The following DMD variants were observed in gnomAD, a reference collection of about 807,000 sequenced individuals.
The protein encoded by DMD is mutant dystrophin.
A neutral mutation model predicts 330.1 loss-of-function variants in DMD; 63 were observed. The ratio of observed to expected loss-of-function variants is 0.19; its 90% CI spans 0.16 to 0.24. DMD has a LOEUF of 0.24. Among genes scored for constraint, DMD ranks in the 10% least tolerant of loss-of-function variants. The pLI is 1.00. For missense variants in DMD, 3,344 were observed against 2,684.1 expected (o/e 1.25, Z -5.43); for synonymous variants, 1,223 against 959.8 (o/e 1.27, Z -5.07).
intron 1 of DMD, among the ~76,000 whole-genome samples, chrX:33,242,185 T>C (rs924322889): frequency 4.5e-5 from 5 of 111,803 alleles, no homozygotes; most frequent in African/African-American, 1.6e-4. Context: ...TAGTGGTGAT[T>C]TGTGAGATTT....
intron 60 of DMD, among the ~76,000 whole-genome samples, chrX:31,440,084 AG>A (rs1383375066): frequency 9.0e-6 from 1 of 111,627 alleles, no homozygotes; most frequent in Non-Finnish European, 1.9e-5. Flanking sequence ...TCAAAAAAGA[AG>A]ATACATGTAA....
chrX:32,807,132 A>AAAC (rs2077006634), intron 7 of DMD, among the ~76,000 whole-genome samples: 2 of 103,511 alleles, frequency 1.9e-5, no homozygotes, highest in African/African-American at 7.1e-5. Context: ...TAAAAAAAAA[A>AAAC]AAAAAAAAAA....
chrX:32,807,121 T>TA (rs1351302403), intron 7 of DMD, among the ~76,000 whole-genome samples: 12 of 42,346 alleles, frequency 2.8e-4, no homozygotes, highest in South Asian at 9.5e-4. Flanking sequence ...ACGGAAACAT[T>TA]TAAAAAAAAA....
rs775892814 is a variant in DMD at position 32,441,295 on chromosome X, T to A, written c.3806A>T (p.His1269Leu). ...KTLEEVWACW[H>L]ELLSYLEKAN... ...TTTCTCCAAGTATGACAATAACTCA[T>A]GCCAACATGCCCAAACTTCCTAAGA... Residue 1269 changes from histidine (H) to leucine (L), a missense_variant, in exon 28 of 79, where the codon CAT becomes CTT. Physicochemically the swap from His to Leu is moderately conservative, Grantham distance 99. Coordinates refer to ENST00000357033, the MANE Select transcript of DMD (RefSeq NM_004006.3). 3 of 1,205,686 alleles carry A rather than the reference T, an allele frequency of 2.5e-6. No individual in the cohort carries two copies. In the African/African-American group the frequency reaches 5.3e-5, roughly 21 times the overall value.
chrX:33,323,779 G>T (rs2054048848), intron 1 of DMD, among the ~76,000 whole-genome samples: 2 of 111,678 alleles, frequency 1.8e-5, no homozygotes, highest in Middle Eastern at 4.2e-3. Flanking sequence ...GTCTCAGTCT[G>T]TTATAGTACT....
chrX:31,546,900 G>A (rs932489832), intron 55 of DMD, among the ~76,000 whole-genome samples: 6 of 112,297 alleles, frequency 5.3e-5, no homozygotes, highest in Middle Eastern at 4.2e-3. Context: ...AATGAATGAA[G>A]GAATGAAGAA....
At chrX:33,242,616 G>T (rs2052604046) in intron 1 of DMD, among the ~76,000 whole-genome samples, 1 of 111,579 alleles carries the variant, frequency 9.0e-6, no homozygotes, top group South Asian at 3.8e-4. Context: ...ATCTGGTAGT[G>T]GGATTGCTGA....
chrX:31,756,822 T>C (rs2089140844), intron 51 of DMD, among the ~76,000 whole-genome samples: 1 of 112,225 alleles, frequency 8.9e-6, no homozygotes, highest in Non-Finnish European at 1.9e-5. Context: ...ATAATGATGG[T>C]TGGGCAACAA....
At chrX:31,413,700 A>G (rs1210172224) in intron 60 of DMD, among the ~76,000 whole-genome samples, 1 of 111,922 alleles carries the variant, frequency 8.9e-6, no homozygotes, top group Non-Finnish European at 1.9e-5. Context: ...CTCCTTGGGC[A>G]TGGTTATTGA....
intron 9 of DMD, among the ~76,000 whole-genome samples, chrX:32,653,825 G>C (rs1425243747): frequency 9.0e-6 from 1 of 111,702 alleles, no homozygotes; most frequent in East Asian, 2.8e-4. Context: ...GTGTCCTCTT[G>C]TATTTTGGTG....
chrX:32,322,875 A>G (rs1388772824), intron 41 of DMD, among the ~76,000 whole-genome samples: 4 of 112,075 alleles, frequency 3.6e-5, no homozygotes, highest in African/African-American at 1.3e-4. Context: ...TATCCAATAA[A>G]TCCATCATGA....
rs758686823 is a variant in DMD, at chrX:32,760,056, T to A, written c.649+49437A>T. Among the ~76,000 whole-genome samples, 36 of 109,979 alleles carry A rather than the reference T, an allele frequency of 3.3e-4. 1 individual carries two copies. The South Asian group carries it at 0.014, about 44-fold the overall frequency. ...TCTGCATTGAAAAATGGAAAGTTCCTATTTTGTGTTTATATTATACTTTTG... is the reference window on the plus strand; with the variant it reads ...TCTGCATTGAAAAATGGAAAGTTCCAATTTTGTGTTTATATTATACTTTTG... On this transcript the variant is annotated intron_variant, in intron 7 of 78. Transcript: ENST00000357033.
At chrX:31,845,757 T>C (rs2149530969) in intron 48 of DMD, among the ~76,000 whole-genome samples, 1 of 111,164 alleles carries the variant, frequency 9.0e-6, no homozygotes, top group Admixed American at 9.6e-5. Flanking sequence ...AGAAACTGTC[T>C]AGGGGTACAG....
intron 20 of DMD, 45 bp from the exon 21 acceptor site, chrX:32,485,144 T>C (rs750079320): frequency 2.2e-5 from 25 of 1,161,514 alleles, no homozygotes; most frequent in Non-Finnish European, 2.8e-5. Flanking sequence ...TTACTTTGCA[T>C]ACATTACATT....
chrX:32,660,336 G>T (rs772402307), intron 9 of DMD, among the ~76,000 whole-genome samples: 1 of 111,083 alleles, frequency 9.0e-6, no homozygotes, highest in South Asian at 3.8e-4. Flanking sequence ...GATATGTACA[G>T]ATATGTGTAT....
intron 1 of DMD, among the ~76,000 whole-genome samples, chrX:33,335,353 T>C (rs1477917534): frequency 1.8e-5 from 2 of 109,146 alleles, no homozygotes; most frequent in Non-Finnish European, 3.8e-5. Context: ...TCAGGATACA[T>C]GTCTAACAAT....
intron 16 of DMD, among the ~76,000 whole-genome samples, chrX:32,551,589 G>A (rs933851286): frequency 9.0e-6 from 1 of 111,579 alleles, no homozygotes; most frequent in Non-Finnish European, 1.9e-5. Context: ...AGACAAGGGG[G>A]CCCTCTCTTA....
intron 25 of DMD, among the ~76,000 whole-genome samples, chrX:32,459,063 T>C (rs1156328822): frequency 9.0e-6 from 1 of 111,092 alleles, no homozygotes; most frequent in Non-Finnish European, 1.9e-5. Flanking sequence ...TTATGCAAGA[T>C]GAATTAGCTC....
At chrX:32,287,821 G>A in intron 42 of DMD, 120 bp from the exon 43 acceptor site, 2 of 503,097 alleles carry the variant, frequency 4.0e-6, no homozygotes, top group Non-Finnish European at 6.0e-6. Flanking sequence ...CTTAATTATT[G>A]ACTTTTTAAA....
Sources: gnomAD v4.1 joint callset for allele counts (sites outside exome capture counted in the v4.1 genomes callset) on GRCh38, gnomAD v4.1.1 for gene constraint, MANE v1.5 for transcripts, NCBI Gene and HGNC (gene_info 2026-07-23, HGNC 2026-07-21) for gene names.